The following DNAJC13 variants were observed in gnomAD, a reference collection of about 807,000 sequenced individuals.
DNAJC13 encodes dnaJ homolog subfamily C member 13.
A neutral mutation model predicts 290.5 loss-of-function variants in DNAJC13; 75 were observed. The observed-to-expected ratio is 0.26, with a 90% CI of 0.21 to 0.31. The LOEUF (loss-of-function observed/expected upper bound fraction) is 0.31, where lower values mean the gene tolerates loss of function less well. DNAJC13 is among the 10% of genes least tolerant of loss of function. The pLI is 1.00. For synonymous variants in DNAJC13, 862 were observed against 892.0 expected (o/e 0.97, Z 0.60); for missense variants, 2,260 against 2,674.5 (o/e 0.85, Z 3.42).
At chr3:132,485,213 A>G (rs184495081) in intron 29 of DNAJC13, among the ~76,000 whole-genome samples, 178 of 152,164 alleles carry the variant, frequency 1.2e-3, no homozygotes, top group African/African-American at 4.1e-3. Context: ...TCTTGACCCA[A>G]TCCAACCTTC....
At chr3:132,472,361 T>C (rs958494740) in intron 20 of DNAJC13, among the ~76,000 whole-genome samples, 48 of 152,306 alleles carry the variant, frequency 3.2e-4, no homozygotes, top group African/African-American at 1.1e-3. Flanking sequence ...ACAGGGGCCA[T>C]AGCTTTCTTT....
chr3:132,431,774 T>G (rs533565136), intron 1 of DNAJC13, among the ~76,000 whole-genome samples: 2 of 152,304 alleles, frequency 1.3e-5, no homozygotes, highest in African/African-American at 4.8e-5. Flanking sequence ...AAAATAGGTA[T>G]ATCCATATAC....
intron 55 of DNAJC13, 117 bp downstream of exon 55, chr3:132,531,214 C>A: frequency 1.2e-6 from 1 of 823,316 alleles, no homozygotes; most frequent in Non-Finnish European, 2.0e-6. Context: ...ACCAGCTGAC[C>A]TTTCTTGGAG....
At position 132,446,520 on chromosome 3, in the gene DNAJC13, T is replaced by C; in HGVS notation, c.114T>C (p.Tyr38=). Reference sequence around the variant, plus strand: ...TTGGAACTCATGCGATTACTACATATAATCCCAATACCTTAGAAGTAACAA... The same window carrying C: ...TTGGAACTCATGCGATTACTACATACAATCCCAATACCTTAGAAGTAACAA... The part of the protein sequence containing the change: ...FSVGTHAITT[Y]NPNTLEVTNQ... The change falls in exon 3 of 56, where the codon TAT becomes TAC. Residue 38 remains tyrosine, a synonymous_variant. Coordinates refer to ENST00000260818, the MANE Select transcript of DNAJC13 (RefSeq NM_015268.4). 2 of 1,609,156 alleles carry C rather than the reference T, an allele frequency of 1.2e-6. No homozygotes were observed. Among genetic ancestry groups the C allele is most frequent in the Non-Finnish European group, 8.5e-7 (1 of 1,178,114 alleles).
intron 12 of DNAJC13, among the ~76,000 whole-genome samples, 159 bp downstream of exon 12, chr3:132,456,991 C>A (rs1933622534): frequency 1.3e-5 from 2 of 152,150 alleles, no homozygotes; most frequent in African/African-American, 4.8e-5. Flanking sequence ...AAGGTGAGGG[C>A]AGCAGAAGCG....
intron 22 of DNAJC13, 117 bp downstream of exon 22, chr3:132,475,202 T>A: frequency 1.5e-6 from 1 of 675,640 alleles, no homozygotes; most frequent in Non-Finnish European, 2.2e-6. Context: ...TTTCCCCCTT[T>A]AATGTTATGT....
At chr3:132,467,950 T>C (rs1934057761) in intron 20 of DNAJC13, among the ~76,000 whole-genome samples, 1 of 152,220 alleles carries the variant, frequency 6.6e-6, no homozygotes, top group Non-Finnish European at 1.5e-5. Flanking sequence ...TCTCTGGACT[T>C]TGTTTTGCAC....
chr3:132,499,507 GT>G (rs1267886213), intron 37 of DNAJC13, among the ~76,000 whole-genome samples, 197 bp downstream of exon 37: 2 of 152,152 alleles, frequency 1.3e-5, no homozygotes, highest in Non-Finnish European at 2.9e-5. Flanking sequence ...AAAGTATTGG[GT>G]TCAAAACCGA....
intron 1 of DNAJC13, 29 bp from the exon 2 acceptor site, chr3:132,434,509 C>CCTT (rs751327288): frequency 1.3e-6 from 2 of 1,498,930 alleles, no homozygotes; most frequent in Non-Finnish European, 1.8e-6. Flanking sequence ...ATAACATGTA[C>CCTT]TAAGTGCCCT....
intron 20 of DNAJC13, among the ~76,000 whole-genome samples, chr3:132,471,512 T>G (rs1421934129): frequency 6.3e-5 from 7 of 111,950 alleles, no homozygotes; most frequent in East Asian, 2.8e-4. Context: ...AGGCAGAGGG[T>G]CTCCTCACTT....
chr3:132,513,946 T>G (rs969262700), intron 45 of DNAJC13, among the ~76,000 whole-genome samples: 1 of 152,210 alleles, frequency 6.6e-6, no homozygotes, highest in African/African-American at 2.4e-5. Flanking sequence ...ACATTTTGGC[T>G]TAAAACAGAT....
intron 36 of DNAJC13, among the ~76,000 whole-genome samples, chr3:132,497,702 A>G (rs1935279190): frequency 6.6e-6 from 1 of 152,264 alleles, no homozygotes; most frequent in Admixed American, 6.5e-5. Context: ...ATTATTAGCC[A>G]CAAGATACAG....
chr3:132,460,435 GA>G, intron 14 of DNAJC13, 78 bp downstream of exon 14: 2 of 970,436 alleles, frequency 2.1e-6, no homozygotes, highest in Non-Finnish European at 1.5e-6. Context: ...CCACGTGGAT[GA>G]TTTTTTTTTT....
chr3:132,419,912 T>C (rs1938905263), intron 1 of DNAJC13, among the ~76,000 whole-genome samples: 1 of 152,228 alleles, frequency 6.6e-6, no homozygotes, highest in Admixed American at 6.5e-5. Context: ...TATCTTTAGT[T>C]TATAAATAAT....
chr3:132,481,585 A>G (rs1381982576), intron 26 of DNAJC13, among the ~76,000 whole-genome samples: 1 of 152,206 alleles, frequency 6.6e-6, no homozygotes, highest in East Asian at 1.9e-4. Flanking sequence ...TGTCTCAAAA[A>G]AGAAAGACAA....
intron 49 of DNAJC13, 35 bp downstream of exon 49, chr3:132,523,032 T>G: frequency 1.9e-6 from 3 of 1,603,510 alleles, no homozygotes; most frequent in Middle Eastern, 1.7e-4. Flanking sequence ...TTATAGCCTT[T>G]AAATAAAATC....
At chr3:132,467,388 G>C (rs1484605579) in intron 20 of DNAJC13, 75 bp downstream of exon 20, 1 of 1,484,298 alleles carries the variant, frequency 6.7e-7, no homozygotes, top group Admixed American at 1.9e-5. Flanking sequence ...GCTGTTCACA[G>C]AGATGGTATC....
chr3:132,511,814 TA>T (rs1935786077), intron 44 of DNAJC13, among the ~76,000 whole-genome samples: 1 of 152,110 alleles, frequency 6.6e-6, no homozygotes, highest in Non-Finnish European at 1.5e-5. Context: ...CTAACTTAGA[TA>T]ATAAATATAG....
chr3:132,530,979 G>A lies in DNAJC13; in HGVS notation c.6526-19G>A. Reference sequence around the variant, plus strand: ...CAGTCCTTGATTTTATGTTCAAAGGGCTTGTTTTACTTTCCTAGGTGAATG... The same window carrying A: ...CAGTCCTTGATTTTATGTTCAAAGGACTTGTTTTACTTTCCTAGGTGAATG... On this transcript the variant is annotated intron_variant, in intron 54 of 55. Transcript: ENST00000260818. 1 of 1,603,832 alleles carries A rather than the reference G, an allele frequency of 6.2e-7. No individual in the cohort carries two copies.
Sources: allele counts gnomAD v4.1 joint callset (sites outside exome capture counted in the v4.1 genomes callset), GRCh38; gene constraint gnomAD v4.1.1; transcripts MANE v1.5; gene names NCBI Gene and HGNC (gene_info 2026-07-23, HGNC 2026-07-21).